SRGAP2C: variants seen among roughly 807,000 people sequenced by gnomAD.
SRGAP2C encodes SLIT-ROBO Rho GTPase activating protein 2C.
A neutral mutation model predicts 25.1 loss-of-function variants in SRGAP2C; 15 were observed. The observed-to-expected ratio is 0.60, with a 90% CI of 0.40 to 0.92. The LOEUF is 0.92. Ranked by LOEUF, SRGAP2C falls within the 40% of genes least tolerant of loss-of-function variation. The pLI is 0.00. For missense variants in SRGAP2C, 144 were observed against 264.4 expected (o/e 0.54, Z 3.16); for synonymous variants, 44 against 96.6 (o/e 0.46, Z 3.19).
chr1:121,323,471 C>G (rs2101609208), intron 3 of SRGAP2C, among the ~76,000 whole-genome samples: 1 of 145,740 alleles, frequency 6.9e-6, no homozygotes, highest in African/African-American at 2.5e-5. Context: ...CAAAAGTTAG[C>G]TGGGCGTGGT....
At position 121,295,709 on chromosome 1, in the gene SRGAP2C, A is replaced by G. The variant is rs1320453170; in HGVS notation, c.260+10714A>G. On this transcript the variant is annotated intron_variant, in intron 3 of 9. Transcript: ENST00000367123. ...TTGATAAATTAATGGTATCTTTAAA[A>G]GAAATAGAGAGGGGCTTTTTTGTTT... 1.0e-3 allele frequency among the ~76,000 whole-genome samples: 158 copies of G among 152,132 alleles called. 1 individual carries two copies. The highest frequency in any genetic ancestry group is 3.7e-3 in the African/African-American group (152 of 41,478).
chr1:121,223,866 T>A (rs1553326105), intron 2 of SRGAP2C, among the ~76,000 whole-genome samples: 1 of 65,984 alleles, frequency 1.5e-5, no homozygotes, highest in African/African-American at 6.2e-5. Context: ...CCCTGTCTGC[T>A]TTTCTTTGTA....
At chr1:121,295,307 T>C (rs1657571767) in intron 3 of SRGAP2C, among the ~76,000 whole-genome samples, 1 of 151,464 alleles carries the variant, frequency 6.6e-6, no homozygotes, top group Non-Finnish European at 1.5e-5. Flanking sequence ...AAACCACTGA[T>C]GGTTTAAATA....
chr1:121,293,648 T>C (rs1454211604), intron 3 of SRGAP2C, among the ~76,000 whole-genome samples: 1 of 152,046 alleles, frequency 6.6e-6, no homozygotes, highest in African/African-American at 2.4e-5. Context: ...AGTACTGTAT[T>C]TTCAGTCGGT....
intron 2 of SRGAP2C, among the ~76,000 whole-genome samples, chr1:121,188,845 G>A (rs1285686670): frequency 7.5e-6 from 1 of 133,976 alleles, no homozygotes; most frequent in Non-Finnish European, 1.6e-5. Flanking sequence ...TGCCCTAAGG[G>A]GCCTTCTATC....
chr1:121,185,191 C>A (rs1404577968), intron 1 of SRGAP2C, 67 bp downstream of exon 1: 1 of 464,854 alleles, frequency 2.2e-6, no homozygotes, highest in Admixed American at 4.2e-5. Flanking sequence ...ACTGAACAAA[C>A]CCGGGCTGGG....
chr1:121,273,595 A>G (rs1657030618), intron 2 of SRGAP2C, among the ~76,000 whole-genome samples: 1 of 150,108 alleles, frequency 6.7e-6, no homozygotes, highest in Non-Finnish European at 1.5e-5. Flanking sequence ...GAACATAACA[A>G]GAGATTGCTT....
intron 8 of SRGAP2C, among the ~76,000 whole-genome samples, chr1:121,384,913 C>T (rs587683510): frequency 1.3e-5 from 2 of 152,358 alleles, no homozygotes; most frequent in South Asian, 4.1e-4. Flanking sequence ...GCTCACTCTT[C>T]TGCCAGGGCC....
At chr1:121,222,569 C>T (rs868955110) in intron 2 of SRGAP2C, among the ~76,000 whole-genome samples, 9 of 152,080 alleles carry the variant, frequency 5.9e-5, no homozygotes, top group Non-Finnish European at 5.9e-5. Context: ...GTCGAGGCTA[C>T]GGTGCTGTAA....
intron 4 of SRGAP2C, chr1:121,361,686 C>T (rs1172392820): frequency 6.6e-6 from 1 of 151,846 alleles, no homozygotes; most frequent in Non-Finnish European, 1.5e-5. Flanking sequence ...ATAAGAGATC[C>T]CAGCCTGAGC....
At chr1:121,356,848 T>A (rs1439358824) in intron 4 of SRGAP2C, among the ~76,000 whole-genome samples, 3 of 151,594 alleles carry the variant, frequency 2.0e-5, no homozygotes, top group African/African-American at 7.3e-5. Flanking sequence ...GATGTTGTTT[T>A]GAGTTTATTT....
intron 2 of SRGAP2C, among the ~76,000 whole-genome samples, chr1:121,209,902 CTTA>C (rs1655206314): frequency 7.8e-6 from 1 of 128,584 alleles, no homozygotes; most frequent in African/African-American, 3.1e-5. Flanking sequence ...ATATATAAAA[CTTA>C]TTATGCAATA....
At chr1:121,268,342 T>C (rs1316623275) in intron 2 of SRGAP2C, among the ~76,000 whole-genome samples, 1 of 151,276 alleles carries the variant, frequency 6.6e-6, no homozygotes, top group Non-Finnish European at 1.5e-5. Flanking sequence ...CTTGCCATGT[T>C]CTATGACCAG....
At chr1:121,385,888 C>G (rs1318568168) in intron 8 of SRGAP2C, among the ~76,000 whole-genome samples, 3 of 150,900 alleles carry the variant, frequency 2.0e-5, no homozygotes, top group African/African-American at 4.9e-5. Context: ...AGACTCCTCT[C>G]TTACAGATCT....
rs1288395527 is a variant in SRGAP2C, at chr1:121,391,114, T to C, written c.*3259T>C. 6.6e-6 allele frequency: 1 copy of C among 151,622 alleles called. No homozygotes were observed. Among genetic ancestry groups the C allele is most frequent in the African/African-American group, 2.4e-5 (1 of 41,220 alleles). The allele number at this position is 151,622 out of a possible 1,614,324, so 9.4% of individuals were successfully genotyped here. ...TGGCTCACGCCTGTAATCCCAGCAC[T>C]TTGGGAGGCCGAGGCGGGTGGATCA... On this transcript the variant is annotated 3_prime_UTR_variant, in exon 10 of 10. Transcript: ENST00000367123.
rs1213992422 is a variant in SRGAP2C at position 121,391,665 on chromosome 1, A to AC, written c.*3810_*3811insC. 6.6e-6 allele frequency: 1 copy of AC among 151,696 alleles called. No homozygotes were observed. Among genetic ancestry groups the AC allele is most frequent in the African/African-American group, 2.4e-5 (1 of 40,906 alleles). 9.4% of individuals were successfully genotyped at this position (151,696 alleles called of 1,614,324 possible). A position where few individuals can be genotyped will look rare whatever the true frequency, so the allele number is the denominator to read the frequency against. On this transcript the variant is annotated 3_prime_UTR_variant, in exon 10 of 10. Coordinates refer to ENST00000367123, the MANE Select transcript of SRGAP2C (RefSeq NM_001329984.2). The stretch of plus-strand genomic sequence containing the variant: ...TTTGGAAAATTTCACTAAAAAAAAA[A>AC]ATCCTTAACAATATAATAAGTAAAG...
chr1:121,370,465 G>A (rs1570817973), intron 5 of SRGAP2C, among the ~76,000 whole-genome samples: 1 of 124,034 alleles, frequency 8.1e-6, no homozygotes, highest in African/African-American at 3.1e-5. Context: ...TTTTTGAGAT[G>A]GAGTCTCGCT....
At chr1:121,226,108 G>A (rs1395048932) in intron 2 of SRGAP2C, among the ~76,000 whole-genome samples, 2 of 151,648 alleles carry the variant, frequency 1.3e-5, no homozygotes, top group African/African-American at 4.9e-5. Context: ...AAGGGATCGG[G>A]TCTGTATATA....
At chr1:121,298,361 T>C (rs1407733740) in intron 3 of SRGAP2C, among the ~76,000 whole-genome samples, 5 of 150,708 alleles carry the variant, frequency 3.3e-5, no homozygotes, top group Non-Finnish European at 7.4e-5. Context: ...AGATATACTG[T>C]TGAGGCCCAC....
Sources: gnomAD v4.1 joint callset for allele counts (sites outside exome capture counted in the v4.1 genomes callset) on GRCh38, gnomAD v4.1.1 for gene constraint, MANE v1.5 for transcripts, NCBI Gene and HGNC (gene_info 2026-07-23, HGNC 2026-07-21) for gene names.